Variants in NOL4L observed in about 807,000 individuals in gnomAD.
NOL4L encodes the protein nucleolar protein 4 like.
NOL4L carries 7 observed loss-of-function variants against 64.5 expected under a neutral mutation model. The observed-to-expected ratio is 0.11, with a 90% CI of 0.06 to 0.20. The LOEUF (loss-of-function observed/expected upper bound fraction) is 0.20, where lower values mean the gene tolerates loss of function less well. NOL4L is among the 10% of genes least tolerant of loss of function. The pLI is 1.00. For missense variants in NOL4L, 680 were observed against 967.1 expected (o/e 0.70, Z 3.94); for synonymous variants, 413 against 401.0 (o/e 1.03, Z -0.36).
At chr20:32,578,711 G>A (rs541015814) in intron 1 of NOL4L, among the ~76,000 whole-genome samples, 1 of 152,310 alleles carries the variant, frequency 6.6e-6, no homozygotes, top group Non-Finnish European at 1.5e-5. Flanking sequence ...GAGTTTTAGA[G>A]CCCATTTTCC....
chr20:32,495,789 C>A (rs547712579), intron 4 of NOL4L, among the ~76,000 whole-genome samples: 1 of 151,930 alleles, frequency 6.6e-6, no homozygotes, highest in African/African-American at 2.4e-5. Context: ...AGACCCCATC[C>A]CTACAAAAAA....
intron 4 of NOL4L, among the ~76,000 whole-genome samples, chr20:32,478,242 T>TACAC (rs553898145): frequency 0.04 from 5,811 of 144,940 alleles, 326 homozygotes; most frequent in African/African-American, 0.13. Context: ...AGGCTATATT[T>TACAC]ACACACACAC....
In NOL4L at chr20:32,454,594, C is replaced by T. The variant is rs543937544; in HGVS notation, c.1120-833G>A. Among the ~76,000 whole-genome samples, 7 of 152,378 alleles carry T rather than the reference C, an allele frequency of 4.6e-5. No individual in the cohort carries two copies. In the South Asian group the frequency reaches 1.0e-3, roughly 23 times the overall value. On this transcript the variant is annotated intron_variant, in intron 6 of 10. Transcript: ENST00000621426. ...CTCATCCTTCATGGCTCAGCTCCCACACCACCTGTCTCCTGCCCCTGCCTC... is the reference window on the plus strand; with the variant it reads ...CTCATCCTTCATGGCTCAGCTCCCATACCACCTGTCTCCTGCCCCTGCCTC...
chr20:32,578,138 A>AGGAAGGAAGGAGAGAGGGAGGGAG (rs1211282817), intron 1 of NOL4L, among the ~76,000 whole-genome samples: 1 of 50,228 alleles, frequency 2.0e-5, no homozygotes, highest in African/African-American at 1.2e-4. Context: ...GAAGGAAGGA[A>AGGAAGGAAGGAGAGAGGGAGGGAG]GGAGGGAGGG....
At chr20:32,509,897 A>AT in intron 4 of NOL4L, 1 of 1,304,306 alleles carries the variant, frequency 7.7e-7, no homozygotes, top group Non-Finnish European at 1.0e-6. Context: ...GAGCACGGTG[A>AT]TAACAGTGTT....
At chr20:32,525,616 A>G (rs1352596233) in intron 2 of NOL4L, among the ~76,000 whole-genome samples, 1 of 152,178 alleles carries the variant, frequency 6.6e-6, no homozygotes, top group Non-Finnish European at 1.5e-5. Context: ...TCTTTTTGAG[A>G]CAGGGTCTTG....
intron 4 of NOL4L, chr20:32,483,532 G>A (rs2015883977): frequency 5.1e-6 from 5 of 982,114 alleles, no homozygotes; most frequent in Non-Finnish European, 4.8e-6. Flanking sequence ...GGGGGCGGGG[G>A]TGGCCAGGAG....
chr20:32,540,612 C>T (rs1381493641), intron 1 of NOL4L, among the ~76,000 whole-genome samples: 1 of 152,146 alleles, frequency 6.6e-6, no homozygotes, highest in Non-Finnish European at 1.5e-5. Context: ...TGGGCTAACC[C>T]ATAATCAGAA....
At chr20:32,457,856 G>C (rs2013701202) in intron 5 of NOL4L, among the ~76,000 whole-genome samples, 1 of 152,194 alleles carries the variant, frequency 6.6e-6, no homozygotes, top group Admixed American at 6.5e-5. Flanking sequence ...CTGTCCCCGG[G>C]ACCCCACAGC....
chr20:32,574,298 T>C (rs1979950723), intron 1 of NOL4L, among the ~76,000 whole-genome samples: 1 of 152,202 alleles, frequency 6.6e-6, no homozygotes, highest in African/African-American at 2.4e-5. Flanking sequence ...TTCACATGGA[T>C]TCTTGCCTTT....
Position 32,510,967 on chromosome 20 carries a change from G to A in NOL4L, c.699+380C>T, listed in dbSNP as rs1280614295. ...AGAGTGACAGAGGCCACAGGCAGGC[G>A]GCTACTCTCTCTTGCCTCCCTGGGG... On this transcript the variant is annotated intron_variant, in intron 4 of 10. Coordinates refer to ENST00000621426, the MANE Select transcript of NOL4L (RefSeq NM_001256798.2). 5.3e-5 allele frequency among the ~76,000 whole-genome samples: 8 copies of A among 152,166 alleles called. No individual in the cohort carries two copies. In the South Asian group the frequency reaches 1.0e-3, roughly 20 times the overall value.
At chr20:32,558,670 T>G (rs574073762) in intron 1 of NOL4L, among the ~76,000 whole-genome samples, 1 of 152,336 alleles carries the variant, frequency 6.6e-6, no homozygotes, top group South Asian at 2.1e-4. Flanking sequence ...CTGGCCTGGC[T>G]GTGGCCCTTT....
intron 1 of NOL4L, among the ~76,000 whole-genome samples, chr20:32,534,690 A>C (rs1600848345): frequency 9.9e-5 from 14 of 141,426 alleles, no homozygotes; most frequent in East Asian, 2.2e-4. Flanking sequence ...CACTCCCCCC[A>C]CCCCCCGCCG....
At chr20:32,536,085 T>C (rs2018512464) in intron 1 of NOL4L, 20 of 985,670 alleles carry the variant, frequency 2.0e-5, no homozygotes, top group Non-Finnish European at 2.4e-5. Flanking sequence ...ATAGGCATAA[T>C]GGCTTTCGCC....
intron 5 of NOL4L, among the ~76,000 whole-genome samples, chr20:32,466,283 T>C (rs1450871135): frequency 6.6e-6 from 1 of 152,168 alleles, no homozygotes; most frequent in Non-Finnish European, 1.5e-5. Context: ...ACTTTCTCAG[T>C]AGGTGAACCT....
At chr20:32,465,889 G>A (rs2014502721) in intron 5 of NOL4L, among the ~76,000 whole-genome samples, 1 of 152,144 alleles carries the variant, frequency 6.6e-6, no homozygotes, top group South Asian at 2.1e-4. Flanking sequence ...ATGGAGCTCT[G>A]TATGTGTCCT....
chr20:32,535,618 A>C (rs1182680068), intron 1 of NOL4L: 1 of 985,418 alleles, frequency 1.0e-6, no homozygotes, highest in East Asian at 1.1e-4. Context: ...CGCACACCCC[A>C]GGCCACAGAG....
intron 5 of NOL4L, among the ~76,000 whole-genome samples, chr20:32,472,804 G>A (rs925368250): frequency 4.6e-5 from 7 of 152,154 alleles, no homozygotes; most frequent in African/African-American, 9.7e-5. Flanking sequence ...GAGGCCCACG[G>A]CCCTGTGGTC....
Position 32,509,323 on chromosome 20 carries a change from G to A in NOL4L, c.699+2024C>T, listed in dbSNP as rs150120145. On this transcript the variant is annotated intron_variant, in intron 4 of 10. Coordinates refer to ENST00000621426, the MANE Select transcript of NOL4L (RefSeq NM_001256798.2). ...GCTTGAGCCCAGGAGTTCGAGACCA[G>A]CCTGGCCAACATGAGGAAACCCTGT... is the stretch of plus-strand genomic sequence containing the variant. 4.2e-3 allele frequency among the ~76,000 whole-genome samples: 633 copies of A among 152,068 alleles called. 1 individual carries two copies. The highest frequency in any genetic ancestry group is 0.014 in the African/African-American group (600 of 41,480).
Sources: gnomAD v4.1 joint callset for allele counts (sites outside exome capture counted in the v4.1 genomes callset) on GRCh38, gnomAD v4.1.1 for gene constraint, MANE v1.5 for transcripts, NCBI Gene and HGNC (gene_info 2026-07-23, HGNC 2026-07-21) for gene names.